The following SEPTIN3 variants were observed in gnomAD, a reference collection of about 807,000 sequenced individuals.
SEPTIN3 encodes septin 3, also known as neuronal-specific septin-3.
In SEPTIN3, 15 loss-of-function variants were observed where a neutral mutation model predicts 45.1. That is an observed-to-expected ratio of 0.33 (90% CI 0.22 to 0.51). The LOEUF (loss-of-function observed/expected upper bound fraction) is 0.51, where lower values mean the gene tolerates loss of function less well. SEPTIN3 is among the 20% of genes least tolerant of loss of function. The probability of loss-of-function intolerance (pLI) is 0.97; values close to 1 mark genes in which losing one functional copy is unlikely to be tolerated. For synonymous variants in SEPTIN3, 148 were observed against 164.8 expected (o/e 0.90, Z 0.78); for missense variants, 289 against 457.2 (o/e 0.63, Z 3.35).
chr22:41,970,392 C>T lies in SEPTIN3; in HGVS notation c.-20+715C>T, dbSNP rs2077946538. ...CTGTGCAATGCAGCCTCCTCCAGCCCCAGCCCTAGCTCTGCCCCTTGCACA... is the reference window on the plus strand; with the variant it reads ...CTGTGCAATGCAGCCTCCTCCAGCCTCAGCCCTAGCTCTGCCCCTTGCACA... On this transcript the variant is annotated intron_variant, in intron 1 of 11. Coordinates refer to ENST00000644076, the MANE Select transcript of SEPTIN3 (RefSeq NM_001363845.2). Among the ~76,000 whole-genome samples, 6 of 152,176 alleles carry T rather than the reference C, an allele frequency of 3.9e-5. No individual in the cohort carries two copies. In the South Asian group the frequency reaches 1.0e-3, roughly 26 times the overall value.
rs1921043138 is a variant in SEPTIN3 at position 41,997,883 on chromosome 22, A to G, written c.*916A>G. ...GCAAAGCCCCCCATCAGATGCATGA[A>G]TGTTTGCGAATGTTGACTGCCACTG... On this transcript the variant is annotated 3_prime_UTR_variant, in exon 12 of 12. Transcript: ENST00000644076. 1 of 152,656 alleles carries G rather than the reference A, an allele frequency of 6.6e-6. No individual in the cohort carries two copies. The highest frequency in any genetic ancestry group is 1.5e-5 in the Non-Finnish European group (1 of 68,076). The allele number at this position is 152,656 out of a possible 1,614,324, so 9.5% of individuals were successfully genotyped here. A position where few individuals can be genotyped will look rare whatever the true frequency, so the allele number is the denominator to read the frequency against.
intron 3 of SEPTIN3, among the ~76,000 whole-genome samples, chr22:41,985,010 G>A (rs985957942): frequency 7.2e-5 from 11 of 152,030 alleles, no homozygotes; most frequent in Admixed American, 2.6e-4. Flanking sequence ...CTGCCACCAC[G>A]CCGGGCTAAT....
chr22:41,994,314 T>C lies in SEPTIN3; in HGVS notation c.2384T>C (p.Phe795Ser), dbSNP rs2078382932. The C allele has an allele frequency of 6.2e-7, 1 of 1,614,112 alleles. No individual in the cohort carries two copies. The highest frequency in any genetic ancestry group is 8.5e-7 in the Non-Finnish European group (1 of 1,180,030). Residue 795 changes from phenylalanine to serine, a missense_variant, in exon 10 of 12, where the codon TTT becomes TCT. Phe to Ser is a radical substitution (Grantham distance 155, BLOSUM62 -2). This residue lies in a region of SEPTIN3 where 84 missense variants were observed against 114.7 expected (regional missense o/e 0.73). Coordinates refer to ENST00000644076, the MANE Select transcript of SEPTIN3 (RefSeq NM_001363845.2). The surrounding 1 kb of genome is among the most constrained non-coding windows in gnomAD (Gnocchi z 4.2). ...IEVENLNHCE[F>S]ALLRDFVIRT... ...GTGGAAAACCTCAACCACTGTGAGT[T>C]TGCCCTGCTTCGAGACTTTGTCATC...
Position 41,994,691 on chromosome 22 carries a change from A to G in SEPTIN3, c.2482A>G (p.Asn828Asp). The change falls in exon 11 of 12, where the codon AAT becomes GAT. Residue 828 changes from asparagine (N) to aspartate (D), a missense_variant. Around this residue, in one of 3 missense-constraint regions of SEPTIN3, gnomAD observed 84 missense variants for 114.7 expected, o/e 0.73. Transcript: ENST00000644076. This position sits in a 1 kb window ranked among gnomAD's most constrained non-coding sequence, Gnocchi z 4.2. ...HYETYRAKRL[N>D]DNGGLPPGEG... ...TGAGACTTACAGGGCCAAGCGGCTC[A>G]ATGACAATGGAGGCCTCCCTCCGGT... is the stretch of plus-strand genomic sequence containing the variant. The G allele has an allele frequency of 1.9e-6, 3 of 1,614,154 alleles. No homozygotes were observed. The highest frequency in any genetic ancestry group is 1.1e-5 in the South Asian group (1 of 91,078).
intron 11 of SEPTIN3, chr22:41,996,108 T>C (rs2078432202): frequency 1.0e-6 from 1 of 985,128 alleles, no homozygotes; most frequent in Non-Finnish European, 1.2e-6. Context: ...TATTTATGTC[T>C]GTCTTTCTCT....
In SEPTIN3 at chr22:41,991,598, G is replaced by C; in HGVS notation, c.2189G>C (p.Gly730Ala). 6.2e-7 allele frequency: 1 copy of C among 1,613,868 alleles called. No homozygotes were observed. Among genetic ancestry groups the C allele is most frequent in the Non-Finnish European group, 8.5e-7 (1 of 1,179,770 alleles). Residue 730 changes from glycine (G) to alanine (A), a missense_variant, in exon 8 of 12, where the codon GGC (glycine) becomes GCC (alanine). Transcript: ENST00000644076. ...QRVRKELEVN[G>A]IEFYPQKEFD... is the part of the protein sequence containing the mutation. ...GTTCGCAAGGAGCTTGAAGTAAATG[G>C]CATTGAATTCTACCCCCAGAAGGAA... is the stretch of plus-strand genomic sequence containing the variant.
At chr22:41,995,534 C>T in intron 11 of SEPTIN3, 1 of 985,492 alleles carries the variant, frequency 1.0e-6, no homozygotes, top group Non-Finnish European at 1.2e-6. Context: ...ACATTGCTTT[C>T]TCTCCCTCTC....
At position 41,984,969 on chromosome 22, in the gene SEPTIN3, C is replaced by T. The variant is rs373057778; in HGVS notation, c.1697-1015C>T. ...CCAGGTTCATGCCATTCTCCTGCCT[C>T]AGCCTCCTGAGTAGCTGGGACTACA... On this transcript the variant is annotated intron_variant, in intron 3 of 11. Coordinates refer to ENST00000644076, the MANE Select transcript of SEPTIN3 (RefSeq NM_001363845.2). 2.6e-3 allele frequency among the ~76,000 whole-genome samples: 400 copies of T among 151,410 alleles called. 1 individual carries two copies. Among genetic ancestry groups the T allele is most frequent in the African/African-American group, 9.1e-3 (378 of 41,316 alleles).
Position 41,989,660 on chromosome 22 carries a change from G to A in SEPTIN3, c.2139G>A (p.Glu713=), listed in dbSNP as rs1413705848. 12 of 1,612,612 alleles carry A rather than the reference G, an allele frequency of 7.4e-6. No individual in the cohort carries two copies. The East Asian group carries it at 1.8e-4, about 24-fold the overall frequency. ...CTAAGGCTGACACCATGACCCTGGA[G>A]GAGAAGTCTGAATTCAAGCAAAGGG... ...VIAKADTMTL[E]EKSEFKQRVR... The change falls in exon 7 of 12, where the codon GAG becomes GAA. Residue 713 remains glutamate (E), a synonymous_variant. Coordinates refer to ENST00000644076, the MANE Select transcript of SEPTIN3 (RefSeq NM_001363845.2).
chr22:41,985,838 C>A, intron 3 of SEPTIN3, 146 bp from the exon 4 acceptor site: 1 of 956,210 alleles, frequency 1.0e-6, no homozygotes, highest in Non-Finnish European at 1.5e-6. Context: ...CCTGCAATCC[C>A]CACTCAGCCT....
At position 41,992,580 on chromosome 22, in the gene SEPTIN3, C is replaced by T. The variant is rs147587660; in HGVS notation, c.2260-84C>T. ...AGTGTGTGGTTCAAGGCTAGAGGACCATATGCCATCCTGCTCCTGAAAGTC... is the reference window on the plus strand; with the variant it reads ...AGTGTGTGGTTCAAGGCTAGAGGACTATATGCCATCCTGCTCCTGAAAGTC... On this transcript the variant is annotated intron_variant, in intron 8 of 11. Transcript: ENST00000644076. 8 of 811,192 alleles carry T rather than the reference C, an allele frequency of 9.9e-6. No homozygotes were observed. The East Asian group carries it at 2.1e-4, about 21-fold the overall frequency. 50.2% of individuals were successfully genotyped at this position (811,192 alleles called of 1,614,324 possible).
chr22:41,989,705 C>A, intron 7 of SEPTIN3, 21 bp downstream of exon 7: 2 of 1,479,244 alleles, frequency 1.4e-6, no homozygotes, highest in Non-Finnish European at 9.5e-7. Context: ...CCCCTGTCTT[C>A]TTTTCCTGTT....
At chr22:41,971,323 A>G (rs1379428853) in intron 1 of SEPTIN3, among the ~76,000 whole-genome samples, 151 bp from the exon 2 acceptor site, 3 of 152,050 alleles carry the variant, frequency 2.0e-5, no homozygotes, top group Admixed American at 6.5e-5. Flanking sequence ...AGGAAGTTAC[A>G]TGCATCCTCC....
rs867228018 is a variant in SEPTIN3 at position 41,990,520 on chromosome 22, T to C, written c.2163+836T>C. ...CAGCACTTTGGGAGGCAGAGGCGGGTGAATCACGAAGTCAGGAGATCAAGA... is the reference window on the plus strand; with the variant it reads ...CAGCACTTTGGGAGGCAGAGGCGGGCGAATCACGAAGTCAGGAGATCAAGA... On this transcript the variant is annotated intron_variant, in intron 7 of 11. Coordinates refer to ENST00000644076, the MANE Select transcript of SEPTIN3 (RefSeq NM_001363845.2). Among the ~76,000 whole-genome samples the C allele has an allele frequency of 4.4e-3, 612 of 140,508 alleles. 3 individuals are homozygous for C. Among genetic ancestry groups the C allele is most frequent in the African/African-American group, 0.015 (572 of 38,254 alleles). 92.2% of individuals were successfully genotyped at this position (140,508 alleles called of 152,430 possible).
chr22:41,993,636 G>A (rs1276727591), intron 9 of SEPTIN3, among the ~76,000 whole-genome samples: 24 of 151,970 alleles, frequency 1.6e-4, no homozygotes, highest in Non-Finnish European at 4.4e-5. Flanking sequence ...GATTACAGAT[G>A]TGAACCACCA....
chr22:41,984,431 G>T (rs962108933), intron 3 of SEPTIN3, among the ~76,000 whole-genome samples: 4 of 152,202 alleles, frequency 2.6e-5, no homozygotes, highest in Non-Finnish European at 5.9e-5. Flanking sequence ...CTGAGATTCT[G>T]CATTTCCTAC....
intron 3 of SEPTIN3, among the ~76,000 whole-genome samples, chr22:41,984,297 G>T (rs1197501779): frequency 6.6e-6 from 1 of 152,156 alleles, no homozygotes; most frequent in Admixed American, 6.6e-5. Flanking sequence ...CCCCAGCATG[G>T]TTCTTTTTCT....
At position 41,994,570 on chromosome 22, in the gene SEPTIN3, C is replaced by G. The variant is rs1319942354; in HGVS notation, c.2412-51C>G. On this transcript the variant is annotated intron_variant, in intron 10 of 11. Transcript: ENST00000644076. The surrounding 1 kb of genome is among the most constrained non-coding windows in gnomAD (Gnocchi z 4.2). ...TCGAAGTGATGTGTGTCACCGCCTC[C>G]TCTTCCTGCCCCTAATTGCAGCCCT... is the stretch of plus-strand genomic sequence containing the variant. 1 of 1,611,472 alleles carries G rather than the reference C, an allele frequency of 6.2e-7. No homozygotes were observed. The highest frequency in any genetic ancestry group is 8.5e-7 in the Non-Finnish European group (1 of 1,178,702).
intron 3 of SEPTIN3, chr22:41,982,066 G>T (rs11914200): frequency 9.0e-6 from 5 of 558,568 alleles, no homozygotes; most frequent in Admixed American, 3.1e-5. Context: ...TCACCAGCTC[G>T]GTGTACACAG....
Sources: allele counts gnomAD v4.1 joint callset (sites outside exome capture counted in the v4.1 genomes callset), GRCh38; gene constraint gnomAD v4.1.1; regional missense constraint gnomAD v4.1.1; non-coding constraint Gnocchi (gnomAD v3.1); transcripts MANE v1.5; gene names NCBI Gene and HGNC (gene_info 2026-07-23, HGNC 2026-07-21).